Variants in UBE2D1 observed in about 807,000 individuals in gnomAD.
The protein encoded by UBE2D1 is ubiquitin conjugating enzyme E2 D1, also known as ubiquitin-conjugating enzyme E2 D1.
Under a neutral mutation model 24.6 loss-of-function variants are expected in UBE2D1, and 9 were observed. The ratio of observed to expected loss-of-function variants is 0.37; its 90% CI spans 0.22 to 0.64. The LOEUF (loss-of-function observed/expected upper bound fraction) is 0.64. Ranked by LOEUF, UBE2D1 falls within the 30% of genes least tolerant of loss-of-function variation. The pLI is 0.64. For synonymous variants in UBE2D1, 57 were observed against 57.6 expected, an observed-to-expected ratio of 0.99 and a Z score of 0.04; for missense variants, 87 against 177.1, an observed-to-expected ratio of 0.49 and a Z score of 2.89.
chr10:58,335,267 C>G (rs776407774), intron 1 of UBE2D1, 42 bp downstream of exon 1: 4 of 1,499,662 alleles, frequency 2.7e-6, no homozygotes, highest in Admixed American at 4.5e-5. Flanking sequence ...GGCAGCGGCC[C>G]CCTGCCCACG....
At chr10:58,343,558 G>A (rs1037030783) in intron 1 of UBE2D1, among the ~76,000 whole-genome samples, 20 of 152,054 alleles carry the variant, frequency 1.3e-4, no homozygotes, top group Non-Finnish European at 2.9e-5. Flanking sequence ...TATAGGGAGA[G>A]CAAATGAATA....
intron 2 of UBE2D1, 22 bp from the exon 3 acceptor site, chr10:58,361,473 A>C: frequency 6.2e-7 from 1 of 1,614,198 alleles, no homozygotes; most frequent in Non-Finnish European, 8.5e-7. Context: ...TAATGACTCC[A>C]AAACTCCTTT....
chr10:58,360,418 C>G (rs968359464), intron 1 of UBE2D1, among the ~76,000 whole-genome samples: 3 of 150,094 alleles, frequency 2.0e-5, no homozygotes, highest in African/African-American at 7.5e-5. Context: ...AACTGGAATT[C>G]TCTCTGTTAG....
At chr10:58,344,904 ACCCAGGCTGGACTGCAGTGG>A (rs1839999813) in intron 1 of UBE2D1, among the ~76,000 whole-genome samples, 1 of 150,304 alleles carries the variant, frequency 6.7e-6, no homozygotes, top group African/African-American at 2.5e-5. Context: ...TGGCTCTGTC[ACCCAGGCTGGACTGCAGTGG>A]CATGATCTCA....
chr10:58,353,615 T>A (rs1228475334), intron 1 of UBE2D1, among the ~76,000 whole-genome samples: 1 of 152,222 alleles, frequency 6.6e-6, no homozygotes, highest in African/African-American at 2.4e-5. Context: ...TTGGATACTT[T>A]GCTAGAATAT....
intron 1 of UBE2D1, among the ~76,000 whole-genome samples, chr10:58,344,390 G>A (rs755117476): frequency 9.2e-5 from 14 of 152,150 alleles, no homozygotes; most frequent in Non-Finnish European, 1.9e-4. Flanking sequence ...TGTGACCTTG[G>A]CCAGGAGACT....
At chr10:58,345,761 A>G (rs910521523) in intron 1 of UBE2D1, among the ~76,000 whole-genome samples, 1 of 152,174 alleles carries the variant, frequency 6.6e-6, no homozygotes, top group Non-Finnish European at 1.5e-5. Flanking sequence ...TAGGTTGGGA[A>G]GACTGGATAG....
At chr10:58,355,640 A>G (rs1840123725) in intron 1 of UBE2D1, among the ~76,000 whole-genome samples, 1 of 152,196 alleles carries the variant, frequency 6.6e-6, no homozygotes, top group Admixed American at 6.6e-5. Flanking sequence ...TGGGAAAGAA[A>G]GTAGGGAATT....
chr10:58,337,156 T>C, intron 1 of UBE2D1, among the ~76,000 whole-genome samples: 1 of 152,300 alleles, frequency 6.6e-6, no homozygotes, highest in African/African-American at 2.4e-5. Flanking sequence ...AAAAAATTAC[T>C]TACATAGAAT....
intron 1 of UBE2D1, among the ~76,000 whole-genome samples, chr10:58,345,336 A>G (rs866825262): frequency 6.6e-6 from 1 of 152,110 alleles, no homozygotes. Context: ...ATAGCTCAGC[A>G]TCGTGGCACG....
At chr10:58,346,148 C>CTACAGG (rs1564558498) in intron 1 of UBE2D1, among the ~76,000 whole-genome samples, 1 of 151,690 alleles carries the variant, frequency 6.6e-6, no homozygotes, top group Non-Finnish European at 1.5e-5. Flanking sequence ...GTAGCTGGGA[C>CTACAGG]TACAGGCGTG....
intron 1 of UBE2D1, among the ~76,000 whole-genome samples, chr10:58,339,758 CTT>C (rs59588627): frequency 2.8e-5 from 4 of 142,604 alleles, no homozygotes; most frequent in Non-Finnish European, 3.1e-5. Flanking sequence ...TTCCACATTC[CTT>C]TTTTTTTTTT....
chr10:58,357,330 T>C (rs1314689596), intron 1 of UBE2D1, among the ~76,000 whole-genome samples: 1 of 152,160 alleles, frequency 6.6e-6, no homozygotes, highest in Non-Finnish European at 1.5e-5. Flanking sequence ...ATGTCAGTTA[T>C]AGCAGAGAAA....
intron 3 of UBE2D1, among the ~76,000 whole-genome samples, chr10:58,362,508 A>T (rs780645429): frequency 2.0e-5 from 3 of 152,170 alleles, no homozygotes; most frequent in African/African-American, 7.2e-5. Flanking sequence ...GTTACTAAGA[A>T]CCTTCAAAAT....
chr10:58,335,375 A>G, intron 1 of UBE2D1, 150 bp downstream of exon 1: 1 of 990,862 alleles, frequency 1.0e-6, no homozygotes, highest in Non-Finnish European at 1.4e-6. Flanking sequence ...GGGCCGGGCC[A>G]GCGGGCATCG....
intron 1 of UBE2D1, among the ~76,000 whole-genome samples, chr10:58,337,420 C>T (rs760639844): frequency 1.7e-4 from 26 of 152,214 alleles, no homozygotes; most frequent in African/African-American, 4.1e-4. Context: ...TTAGATGTGC[C>T]GCCTGCCGTA....
At chr10:58,361,003 AG>A (rs904706229) in intron 1 of UBE2D1, 68 of 460,536 alleles carry the variant, frequency 1.5e-4, no homozygotes, top group African/African-American at 1.1e-3. Context: ...CTGTTAAAAT[AG>A]TACCTGTTTT....
intron 1 of UBE2D1, among the ~76,000 whole-genome samples, chr10:58,337,150 AATTAC>A (rs907066423): frequency 3.3e-5 from 5 of 152,164 alleles, no homozygotes; most frequent in Non-Finnish European, 7.3e-5. Context: ...TAAAAAAAAA[AATTAC>A]TTACATAGAA....
intron 1 of UBE2D1, among the ~76,000 whole-genome samples, chr10:58,339,668 A>C (rs1839942190): frequency 6.6e-6 from 1 of 152,136 alleles, no homozygotes; most frequent in Non-Finnish European, 1.5e-5. Context: ...TAAGGCAGGG[A>C]AATATTGAGT....
Sources: gnomAD v4.1 joint callset for allele counts (sites outside exome capture counted in the v4.1 genomes callset) on GRCh38, gnomAD v4.1.1 for gene constraint, MANE v1.5 for transcripts, NCBI Gene and HGNC (gene_info 2026-07-23, HGNC 2026-07-21) for gene names.